Variants in AKAP8L observed in about 807,000 individuals in gnomAD.
The protein encoded by AKAP8L is A-kinase anchoring protein 8 like, also known as A-kinase anchor protein 8-like.
Under a neutral mutation model 77.5 loss-of-function variants are expected in AKAP8L, and 34 were observed. That is an observed-to-expected ratio of 0.44 (90% CI 0.33 to 0.58). The LOEUF (loss-of-function observed/expected upper bound fraction) is 0.58. Among genes scored for constraint, AKAP8L ranks in the 20% least tolerant of loss-of-function variants. AKAP8L has a pLI of 0.02. For synonymous variants in AKAP8L, 342 were observed against 340.7 expected, an observed-to-expected ratio of 1.00 and a Z score of -0.04; for missense variants, 806 against 887.6, an observed-to-expected ratio of 0.91 and a Z score of 1.17.
chr19:15,384,769 AATTCTAAG>A (rs1454151241), intron 12 of AKAP8L, among the ~76,000 whole-genome samples: 3 of 152,238 alleles, frequency 2.0e-5, no homozygotes, highest in Admixed American at 1.3e-4. Context: ...AAATTCTATT[AATTCTAAG>A]AACATTTTGC....
At position 15,397,161 on chromosome 19, in the gene AKAP8L, G is replaced by A. The variant is rs765890949; in HGVS notation, c.1525C>T (p.Arg509Trp). ...CTGTGGCCACTCACCCTGCGGTTCC[G>A]GTTGTGATCCATGGTCTTCAGATGC... ...QKHLKTMDHNRNRRLMMEQSK... is the reference protein window; with the variant it reads ...QKHLKTMDHNWNRRLMMEQSK... The change falls in exon 12 of 14, where the codon CGG becomes TGG. Residue 509 changes from arginine (R) to tryptophan (W), a missense_variant. Around this residue, in one of 2 missense-constraint regions of AKAP8L, gnomAD observed 580 missense variants for 694.1 expected, o/e 0.84. Coordinates refer to ENST00000397410, the MANE Select transcript of AKAP8L (RefSeq NM_014371.4). The surrounding 1 kb of genome is among the most constrained non-coding windows in gnomAD (Gnocchi z 4.7). 2.3e-5 allele frequency: 37 copies of A among 1,613,710 alleles called. No individual in the cohort carries two copies. Among genetic ancestry groups the A allele is most frequent in the African/African-American group, 6.7e-5 (5 of 74,918 alleles).
intron 12 of AKAP8L, among the ~76,000 whole-genome samples, chr19:15,387,023 T>C (rs539734359): frequency 1.3e-5 from 2 of 152,260 alleles, no homozygotes; most frequent in East Asian, 1.9e-4. Flanking sequence ...TAGACAAGCA[T>C]AGCTGAGAGA....
rs984738819 is a variant in AKAP8L, at chr19:15,398,044, G to A, written c.1158-189C>T. On this transcript the variant is annotated intron_variant, in intron 9 of 13. Coordinates refer to ENST00000397410, the MANE Select transcript of AKAP8L (RefSeq NM_014371.4). The surrounding 1 kb of genome is among the most constrained non-coding windows in gnomAD (Gnocchi z 9.2). ...GAAAGGGCCAGAAAGTCTGCAGGCT[G>A]CAGTTACTGCAACGTAGGGGACAGG... is the stretch of plus-strand genomic sequence containing the variant. The A allele has an allele frequency of 1.6e-6, 1 of 643,364 alleles. No homozygotes were observed. Among genetic ancestry groups the A allele is most frequent in the Non-Finnish European group, 2.6e-6 (1 of 377,872 alleles). 39.9% of individuals were successfully genotyped at this position (643,364 alleles called of 1,614,324 possible).
At chr19:15,410,124 G>A (rs575837385) in intron 2 of AKAP8L, among the ~76,000 whole-genome samples, 92 of 152,178 alleles carry the variant, frequency 6.0e-4, no homozygotes, top group Non-Finnish European at 1.1e-3. Flanking sequence ...TTGTATTTTA[G>A]TATAGATGGC....
In AKAP8L at chr19:15,400,099, G is replaced by A. The variant is rs751886698; in HGVS notation, c.1048+196C>T. ...GGGGTCACCACCATCCACAGCCTCCGCCTGGGAAGGAGGAGGAAGAGTGGG... is the reference window on the plus strand; with the variant it reads ...GGGGTCACCACCATCCACAGCCTCCACCTGGGAAGGAGGAGGAAGAGTGGG... On this transcript the variant is annotated intron_variant, in intron 8 of 13. Coordinates refer to ENST00000397410, the MANE Select transcript of AKAP8L (RefSeq NM_014371.4). 385 of 617,734 alleles carry A rather than the reference G, an allele frequency of 6.2e-4. No individual in the cohort carries two copies. Among genetic ancestry groups the A allele is most frequent in the Non-Finnish European group, 9.5e-4 (333 of 350,634 alleles). The allele number at this position is 617,734 out of a possible 1,614,324, so 38.3% of individuals were successfully genotyped here.
chr19:15,380,662 A>G (rs1466703951), intron 12 of AKAP8L, 50 bp from the exon 13 acceptor site: 1 of 1,583,304 alleles, frequency 6.3e-7, no homozygotes, highest in Admixed American at 1.7e-5. Context: ...GTGCCCTACA[A>G]GTTGCTGCCC....
chr19:15,383,927 C>CTTTTTTTTTTTTTTTTTTTTTTTTTTT, intron 12 of AKAP8L: 2 of 83,682 alleles, frequency 2.4e-5, no homozygotes, highest in Non-Finnish European at 4.3e-5. Flanking sequence ...AGGTCTATTT[C>CTTTTTTTTTTTTTTTTTTTTTTTTTTT]TTTTTTTTTT....
chr19:15,418,599 A>C (rs1350143807), intron 1 of AKAP8L, among the ~76,000 whole-genome samples: 1 of 152,230 alleles, frequency 6.6e-6, no homozygotes, highest in African/African-American at 2.4e-5. Context: ...GTCGAGGTCC[A>C]GGAGCGCAGG....
intron 12 of AKAP8L, among the ~76,000 whole-genome samples, chr19:15,395,106 T>C (rs967671826): frequency 3.9e-5 from 6 of 152,140 alleles, no homozygotes; most frequent in African/African-American, 1.4e-4. Context: ...CTTGGCTTAC[T>C]GCAAGCTCTG....
chr19:15,382,446 A>G (rs1967439129), intron 12 of AKAP8L, among the ~76,000 whole-genome samples: 1 of 151,980 alleles, frequency 6.6e-6, no homozygotes, highest in African/African-American at 2.4e-5. Context: ...CAGGACCTCC[A>G]CCCATCTCGG....
At chr19:15,406,453 T>C (rs1239481019) in intron 2 of AKAP8L, among the ~76,000 whole-genome samples, 4 of 150,026 alleles carry the variant, frequency 2.7e-5, no homozygotes, top group South Asian at 4.2e-4. Context: ...CATATATATG[T>C]AAAAATAAGA....
At chr19:15,395,305 C>G (rs145150643) in intron 12 of AKAP8L, among the ~76,000 whole-genome samples, 2 of 150,946 alleles carry the variant, frequency 1.3e-5, no homozygotes, top group Non-Finnish European at 3.0e-5. Flanking sequence ...GTGCCGTGCC[C>G]ATTGTTTTGG....
intron 12 of AKAP8L, among the ~76,000 whole-genome samples, chr19:15,387,872 T>C (rs920994820): frequency 1.3e-5 from 2 of 151,996 alleles, no homozygotes; most frequent in African/African-American, 2.4e-5. Context: ...GGCAGGAGAA[T>C]TGCTTGAACC....
intron 12 of AKAP8L, among the ~76,000 whole-genome samples, chr19:15,382,323 T>C (rs898235964): frequency 6.6e-5 from 10 of 151,556 alleles, no homozygotes; most frequent in Non-Finnish European, 1.2e-4. Flanking sequence ...TGCCTCAGCC[T>C]CCTGAGTAGC....
intron 12 of AKAP8L, chr19:15,382,053 T>G (rs1472110941): frequency 1.3e-5 from 2 of 152,216 alleles, no homozygotes; most frequent in Non-Finnish European, 2.9e-5. Context: ...ATTTTTGCTG[T>G]GGATAAAAGA....
Position 15,380,311 on chromosome 19 carries a change from G to A in AKAP8L, c.1752C>T (p.Gly584=). ...GGGGCACGGGAGGCTGCGCCGGCAC[G>A]CCCTCTGCGCCCTCCGAGATCCCTG... ...EAAGISEGAE[G]VPAQPPVPPE... Residue 584 remains glycine (G), a synonymous_variant, in exon 14 of 14, where the codon GGC becomes GGT. Coordinates refer to ENST00000397410, the MANE Select transcript of AKAP8L (RefSeq NM_014371.4). 1.3e-6 allele frequency: 2 copies of A among 1,532,238 alleles called. No individual in the cohort carries two copies. The highest frequency in any genetic ancestry group is 1.7e-6 in the Non-Finnish European group (2 of 1,145,346). The allele number at this position is 1,532,238 out of a possible 1,614,324, so 94.9% of individuals were successfully genotyped here. A position where few individuals can be genotyped will look rare whatever the true frequency, so the allele number is the denominator to read the frequency against.
At chr19:15,384,546 C>T (rs1599587217) in intron 12 of AKAP8L, among the ~76,000 whole-genome samples, 1 of 151,960 alleles carries the variant, frequency 6.6e-6, no homozygotes, top group South Asian at 2.1e-4. Context: ...GCAATCCACC[C>T]GCCTCAGCCT....
At chr19:15,395,315 G>T (rs1396985473) in intron 12 of AKAP8L, among the ~76,000 whole-genome samples, 9 of 150,816 alleles carry the variant, frequency 6.0e-5, no homozygotes, top group East Asian at 2.0e-4. Context: ...CATTGTTTTG[G>T]TTTTTTTGTT....
intron 12 of AKAP8L, among the ~76,000 whole-genome samples, chr19:15,396,522 A>G (rs1219885703): frequency 6.6e-6 from 1 of 152,128 alleles, no homozygotes; most frequent in Non-Finnish European, 1.5e-5. Flanking sequence ...CTCCCTGACA[A>G]TCTTGGCAGC....
Sources: gnomAD v4.1 joint callset for allele counts (sites outside exome capture counted in the v4.1 genomes callset) on GRCh38, gnomAD v4.1.1 for gene constraint, gnomAD v4.1.1 regional missense constraint, Gnocchi (gnomAD v3.1) non-coding constraint, MANE v1.5 for transcripts, NCBI Gene and HGNC (gene_info 2026-07-23, HGNC 2026-07-21) for gene names.